Variants in ZNF276 observed in about 807,000 individuals in gnomAD.
ZNF276 encodes the protein centromere protein Z.
ZNF276 carries 59 observed loss-of-function variants against 63.9 expected under a neutral mutation model. The ratio of observed to expected loss-of-function variants is 0.92; its 90% CI spans 0.75 to 1.15. The LOEUF (loss-of-function observed/expected upper bound fraction) is 1.15, where lower values mean the gene tolerates loss of function less well. ZNF276 is among the 50% of genes most tolerant of loss of function. ZNF276 has a pLI of 0.00. For synonymous variants in ZNF276, 496 were observed against 348.4 expected, an observed-to-expected ratio of 1.42 and a Z score of -4.72; for missense variants, 1,084 against 843.8, an observed-to-expected ratio of 1.28 and a Z score of -3.53.
rs189890370 is a variant in ZNF276 at position 89,733,672 on chromosome 16, G to A, written c.1356+115G>A. On this transcript the variant is annotated intron_variant, in intron 8 of 10. Coordinates refer to ENST00000443381, the MANE Select transcript of ZNF276 (RefSeq NM_001113525.2). ...TTGCGCCCAAGGACACTTTGACCTA[G>A]GTTAACCGAGACCTGAAGCAGTCCT... 6.6e-5 allele frequency: 83 copies of A among 1,249,300 alleles called. No homozygotes were observed. The East Asian group carries it at 1.8e-3, about 27-fold the overall frequency. The allele number at this position is 1,249,300 out of a possible 1,614,324, so 77.4% of individuals were successfully genotyped here. A position where few individuals can be genotyped will look rare whatever the true frequency, so the allele number is the denominator to read the frequency against.
Position 89,740,716 on chromosome 16 carries a change from G to T in ZNF276, c.*2470G>T, listed in dbSNP as rs1223058565. On this transcript the variant is annotated 3_prime_UTR_variant, in exon 11 of 11. Coordinates refer to ENST00000443381, the MANE Select transcript of ZNF276 (RefSeq NM_001113525.2). ...ACACAAGGAGCTCCTGAGCTAGTCT[G>T]GAAACCCTGACTTGGAAGCTGGCTG... The T allele has an allele frequency of 1.8e-6, 2 of 1,111,388 alleles. No individual in the cohort carries two copies. The highest frequency in any genetic ancestry group is 3.1e-5 in the African/African-American group (2 of 64,486). The allele number at this position is 1,111,388 out of a possible 1,614,324, so 68.8% of individuals were successfully genotyped here. A position where few individuals can be genotyped will look rare whatever the true frequency, so the allele number is the denominator to read the frequency against.
At chr16:89,720,999 G>C, upstream of ZNF276, 2 of 857,642 alleles carry the variant, frequency 2.3e-6, no homozygotes, top group East Asian at 3.9e-5. Context: ...TTCCGGCGAC[G>C]GGCCCCCTCC....
chr16:89,737,530 AAAAG>A (rs2061975397), intron 9 of ZNF276: 3 of 470,982 alleles, frequency 6.4e-6, no homozygotes, highest in Non-Finnish European at 1.1e-5. Context: ...CAAAAAAAAA[AAAAG>A]ACAAGAATCT....
At position 89,739,113 on chromosome 16, in the gene ZNF276, G is replaced by A. The variant is rs1264976469; in HGVS notation, c.*867G>A. On this transcript the variant is annotated 3_prime_UTR_variant, in exon 11 of 11. Coordinates refer to ENST00000443381, the MANE Select transcript of ZNF276 (RefSeq NM_001113525.2). ...GCTGGGGGGAGCTCCCCTGGAGGTGGGACTGGCCCTTGCACCTGCCTGACC... is the reference window on the plus strand; with the variant it reads ...GCTGGGGGGAGCTCCCCTGGAGGTGAGACTGGCCCTTGCACCTGCCTGACC... 6.2e-7 allele frequency: 1 copy of A among 1,614,012 alleles called. No homozygotes were observed. The highest frequency in any genetic ancestry group is 1.7e-5 in the Admixed American group (1 of 60,034).
At chr16:89,730,906 G>A (rs548512955) in intron 6 of ZNF276, among the ~76,000 whole-genome samples, 1 of 152,358 alleles carries the variant, frequency 6.6e-6, no homozygotes, top group Admixed American at 6.5e-5. Flanking sequence ...TCTGTGATGT[G>A]TTAATGAGGG....
At chr16:89,723,841 G>C in intron 4 of ZNF276, 132 bp downstream of exon 4, 2 of 1,036,094 alleles carry the variant, frequency 1.9e-6, no homozygotes, top group Non-Finnish European at 1.4e-6. Flanking sequence ...AGCAGAGCTT[G>C]GGGCTTCTGC....
Position 89,739,012 on chromosome 16 carries a change from A to G in ZNF276, c.*766A>G. The G allele has an allele frequency of 6.2e-7, 1 of 1,614,118 alleles. No individual in the cohort carries two copies. Among genetic ancestry groups the G allele is most frequent in the Non-Finnish European group, 8.5e-7 (1 of 1,180,030 alleles). ...CAGGCAAACTCACAGGTTAGAAGAC[A>G]TACAGAAACAGGGCTGGTGTGTCCC... is the stretch of plus-strand genomic sequence containing the variant. On this transcript the variant is annotated 3_prime_UTR_variant, in exon 11 of 11. Coordinates refer to ENST00000443381, the MANE Select transcript of ZNF276 (RefSeq NM_001113525.2).
intron 4 of ZNF276, among the ~76,000 whole-genome samples, chr16:89,726,665 G>T (rs1050187962): frequency 6.6e-6 from 1 of 150,954 alleles, no homozygotes; most frequent in African/African-American, 2.4e-5. Context: ...TTATTTTTTT[G>T]AGTCGGAGTC....
Position 89,738,549 on chromosome 16 carries a change from T to G in ZNF276, c.*303T>G. 6.2e-7 allele frequency: 1 copy of G among 1,611,498 alleles called. No individual in the cohort carries two copies. ...TGCAACAAGAGCTCCATGTTATGCT[T>G]GTAATAAATTATTTACACGGGAGCT... On this transcript the variant is annotated 3_prime_UTR_variant, in exon 11 of 11. Coordinates refer to ENST00000443381, the MANE Select transcript of ZNF276 (RefSeq NM_001113525.2).
At position 89,739,221 on chromosome 16, in the gene ZNF276, A is replaced by G. The variant is rs1298870788; in HGVS notation, c.*975A>G. ...GAAGAGCTGGACCAGCTTCAAGTAC[A>G]TGTCCACAGCAACATGCAGGAAGGC... On this transcript the variant is annotated 3_prime_UTR_variant, in exon 11 of 11. Transcript: ENST00000443381. 5.0e-6 allele frequency: 8 copies of G among 1,614,166 alleles called. No individual in the cohort carries two copies. In the South Asian group the frequency reaches 5.5e-5, roughly 11 times the overall value.
intron 1 of ZNF276, 56 bp from the exon 2 acceptor site, chr16:89,722,475 C>G: frequency 6.5e-7 from 1 of 1,540,786 alleles, no homozygotes; most frequent in Non-Finnish European, 8.8e-7. Flanking sequence ...TCCGGGACGC[C>G]CTGTGCTCAG....
chr16:89,720,532 C>T (rs1212652641), upstream of ZNF276: 8 of 1,164,070 alleles, frequency 6.9e-6, no homozygotes, highest in South Asian at 1.3e-4. Flanking sequence ...GATGCACCGG[C>T]TCAGCGAGCG....
chr16:89,724,228 C>A (rs1300368138), intron 4 of ZNF276, among the ~76,000 whole-genome samples: 2 of 152,224 alleles, frequency 1.3e-5, no homozygotes, highest in South Asian at 4.1e-4. Flanking sequence ...ACCCATAGCA[C>A]TGTGGGCTGG....
chr16:89,738,941 G>C lies in ZNF276; in HGVS notation c.*695G>C, dbSNP rs566927763. The C allele has an allele frequency of 6.2e-7, 1 of 1,614,250 alleles. No individual in the cohort carries two copies. The highest frequency in any genetic ancestry group is 1.3e-5 in the African/African-American group (1 of 75,070). On this transcript the variant is annotated 3_prime_UTR_variant, in exon 11 of 11. Coordinates refer to ENST00000443381, the MANE Select transcript of ZNF276 (RefSeq NM_001113525.2). ...CGAGGTATTAACTGCAGCAGAAAAA[G>C]ACGAGCTTTTGTTATCAGTTCCACG...
chr16:89,730,464 C>T (rs1414543834), intron 6 of ZNF276, among the ~76,000 whole-genome samples: 5 of 152,114 alleles, frequency 3.3e-5, no homozygotes, highest in Admixed American at 1.3e-4. Flanking sequence ...GCCAGGCGAG[C>T]CTTTTCCGGA....
rs771522551 is a variant in ZNF276 at position 89,737,860 on chromosome 16, A to G, written c.1529A>G (p.His510Arg). Residue 510 changes from histidine to arginine, a missense_variant, in exon 10 of 11, where the codon CAC (histidine) becomes CGC (arginine). Physicochemically the swap from His to Arg is conservative, Grantham distance 29. Coordinates refer to ENST00000443381, the MANE Select transcript of ZNF276 (RefSeq NM_001113525.2). ...ECGQTFKQRK[H>R]LLVHQMRHSG... The stretch of plus-strand genomic sequence containing the variant: ...GGACAAACCTTCAAGCAGCGGAAGC[A>G]CCTTCTCGTCCACCAAATGCGACAT... 1 of 1,614,142 alleles carries G rather than the reference A, an allele frequency of 6.2e-7. No homozygotes were observed.
chr16:89,732,552 A>G (rs919750093), intron 6 of ZNF276: 4 of 160,820 alleles, frequency 2.5e-5, no homozygotes, highest in Admixed American at 1.8e-4. Context: ...TGATACCTCT[A>G]GTTGTGGGTT....
chr16:89,730,359 T>G (rs924897607), intron 6 of ZNF276, among the ~76,000 whole-genome samples: 22 of 152,266 alleles, frequency 1.4e-4, no homozygotes, highest in African/African-American at 4.8e-4. Flanking sequence ...GGGTTGAGTC[T>G]GAATCCCAGG....
At chr16:89,722,436 C>T in intron 1 of ZNF276, 95 bp from the exon 2 acceptor site, 1 of 1,397,080 alleles carries the variant, frequency 7.2e-7, no homozygotes, top group Non-Finnish European at 9.6e-7. Flanking sequence ...GCGCGAAGGG[C>T]GCTGCAGGCG....
Sources: allele counts gnomAD v4.1 joint callset (sites outside exome capture counted in the v4.1 genomes callset), GRCh38; gene constraint gnomAD v4.1.1; transcripts MANE v1.5; gene names NCBI Gene and HGNC (gene_info 2026-07-23, HGNC 2026-07-21).